The following VAPB variants were observed in gnomAD, a reference collection of about 807,000 sequenced individuals.
The protein encoded by VAPB is VAMP associated protein B and C.
A neutral mutation model predicts 25.6 loss-of-function variants in VAPB; 7 were observed. The observed-to-expected ratio is 0.27, with a 90% CI of 0.16 to 0.51. The LOEUF (loss-of-function observed/expected upper bound fraction) is 0.51. Among genes scored for constraint, VAPB ranks in the 20% least tolerant of loss-of-function variants. The probability of loss-of-function intolerance (pLI) is 0.97; values close to 1 mark genes in which losing one functional copy is unlikely to be tolerated. For missense variants in VAPB, 266 were observed against 301.3 expected (o/e 0.88, Z 0.87); for synonymous variants, 112 against 109.2 (o/e 1.03, Z -0.16).
chr20:58,391,001 T>C (rs1987782229), intron 1 of VAPB, among the ~76,000 whole-genome samples: 1 of 152,234 alleles, frequency 6.6e-6, no homozygotes, highest in Non-Finnish European at 1.5e-5. Flanking sequence ...TGGATTGTAA[T>C]TCCAGGATAG....
At chr20:58,431,754 A>G (rs1171847561) in intron 2 of VAPB, among the ~76,000 whole-genome samples, 1 of 151,778 alleles carries the variant, frequency 6.6e-6, no homozygotes, top group Admixed American at 6.6e-5. Flanking sequence ...TGTGGTAGAG[A>G]TGGGGTCTTG....
At chr20:58,402,562 CTTT>C (rs1491184515) in intron 1 of VAPB, among the ~76,000 whole-genome samples, 1 of 134,644 alleles carries the variant, frequency 7.4e-6, no homozygotes, top group Non-Finnish European at 1.6e-5. Context: ...CCCCCCCACC[CTTT>C]TTTTTTTTTT....
rs1176817214 is a variant in VAPB, at chr20:58,450,996, T to G, written c.*6761T>G. On this transcript the variant is annotated 3_prime_UTR_variant, in exon 6 of 6. Transcript: ENST00000475243. ...GAGCCATTTACAGCATGTTCTCCCA[T>G]GTTCCATTATCAGCCTGATGAAACC... is the stretch of plus-strand genomic sequence containing the variant. 6.6e-6 allele frequency: 3 copies of G among 453,736 alleles called. No individual in the cohort carries two copies. The highest frequency in any genetic ancestry group is 4.0e-5 in the African/African-American group (2 of 50,020). The allele number at this position is 453,736 out of a possible 1,614,324, so 28.1% of individuals were successfully genotyped here. A position where few individuals can be genotyped will look rare whatever the true frequency, so the allele number is the denominator to read the frequency against.
At chr20:58,420,805 G>A (rs954513528) in intron 2 of VAPB, among the ~76,000 whole-genome samples, 2 of 152,198 alleles carry the variant, frequency 1.3e-5, no homozygotes, top group African/African-American at 4.8e-5. Context: ...GGACAGCCTT[G>A]CAAGTCAGCA....
Position 58,401,413 on chromosome 20 carries a change from T to G in VAPB, c.58+11896T>G, listed in dbSNP as rs548436057. Among the ~76,000 whole-genome samples, 8 of 152,294 alleles carry G rather than the reference T, an allele frequency of 5.3e-5. No homozygotes were observed. The South Asian group carries it at 1.7e-3, about 32-fold the overall frequency. ...TAGTTTCCTGTCTTTTTTCTTTCTG[T>G]TCTTCACTTCTAGTCACTGCCCGGG... On this transcript the variant is annotated intron_variant, in intron 1 of 5. Coordinates refer to ENST00000475243, the MANE Select transcript of VAPB (RefSeq NM_004738.5).
At chr20:58,436,277 A>G (rs1989041946) in intron 3 of VAPB, among the ~76,000 whole-genome samples, 1 of 150,522 alleles carries the variant, frequency 6.6e-6, no homozygotes, top group Non-Finnish European at 1.5e-5. Context: ...GTTCTTTTCT[A>G]CTAGGCCTAA....
Position 58,448,492 on chromosome 20 carries a change from T to G in VAPB, c.*4257T>G, listed in dbSNP as rs1358662082. The G allele has an allele frequency of 2.2e-6, 1 of 454,088 alleles. No homozygotes were observed. The highest frequency in any genetic ancestry group is 1.6e-5 in the South Asian group (1 of 64,474). 28.1% of individuals were successfully genotyped at this position (454,088 alleles called of 1,614,324 possible). ...GTGACTGGGGGGTAGATGGCTCTGT[T>G]TGCATACGAAGAAATAAAGGCTCCA... On this transcript the variant is annotated 3_prime_UTR_variant, in exon 6 of 6. Coordinates refer to ENST00000475243, the MANE Select transcript of VAPB (RefSeq NM_004738.5).
intron 1 of VAPB, among the ~76,000 whole-genome samples, chr20:58,397,458 G>A (rs1475321798): frequency 6.6e-6 from 1 of 151,800 alleles, no homozygotes; most frequent in African/African-American, 2.4e-5. Context: ...GACGGAGGTT[G>A]CGGTGAGCCG....
intron 1 of VAPB, among the ~76,000 whole-genome samples, chr20:58,391,203 A>G (rs1177976156): frequency 1.3e-5 from 2 of 152,162 alleles, no homozygotes; most frequent in African/African-American, 4.8e-5. Context: ...ACAAACATTT[A>G]CTGAGTACCT....
intron 2 of VAPB, among the ~76,000 whole-genome samples, chr20:58,426,526 G>A (rs1224119388): frequency 1.3e-5 from 2 of 152,280 alleles, no homozygotes; most frequent in Non-Finnish European, 2.9e-5. Flanking sequence ...AGGACATAGG[G>A]GCATGATGTG....
intron 5 of VAPB, among the ~76,000 whole-genome samples, chr20:58,443,099 G>A (rs1356098245): frequency 2.0e-5 from 3 of 152,160 alleles, no homozygotes; most frequent in Non-Finnish European, 4.4e-5. Flanking sequence ...GTGCAAGGCA[G>A]TTGTGGCAGT....
chr20:58,412,030 A>C (rs898043953), intron 1 of VAPB, among the ~76,000 whole-genome samples: 1 of 152,210 alleles, frequency 6.6e-6, no homozygotes, highest in Non-Finnish European at 1.5e-5. Flanking sequence ...TTTGGTTGAC[A>C]GTATTTTATT....
chr20:58,427,370 G>A (rs35933296), intron 2 of VAPB, among the ~76,000 whole-genome samples: 48,919 of 137,424 alleles, frequency 0.36, 8,444 homozygotes, highest in Middle Eastern at 0.39. Context: ...TGCAGGTGAA[G>A]GTGGTCCGTG....
At chr20:58,403,742 A>G (rs556786416) in intron 1 of VAPB, among the ~76,000 whole-genome samples, 17 of 152,272 alleles carry the variant, frequency 1.1e-4, no homozygotes, top group Middle Eastern at 3.4e-3. Flanking sequence ...TCTCCAAGCA[A>G]ATCTTTTGAT....
intron 1 of VAPB, among the ~76,000 whole-genome samples, chr20:58,414,941 C>A (rs1309452257): frequency 6.6e-6 from 1 of 152,276 alleles, no homozygotes; most frequent in Non-Finnish European, 1.5e-5. Context: ...CACCACCGAG[C>A]ACTGAGTGAA....
intron 1 of VAPB, among the ~76,000 whole-genome samples, chr20:58,407,521 A>C (rs1353306868): frequency 2.0e-5 from 3 of 152,202 alleles, no homozygotes; most frequent in Non-Finnish European, 4.4e-5. Context: ...TAAATACCCC[A>C]GTATGGAGTA....
chr20:58,401,226 G>T (rs1236746948), intron 1 of VAPB, among the ~76,000 whole-genome samples: 3 of 151,864 alleles, frequency 2.0e-5, no homozygotes, highest in Non-Finnish European at 4.4e-5. Flanking sequence ...TACATACCTA[G>T]CACTCACTGA....
intron 2 of VAPB, among the ~76,000 whole-genome samples, chr20:58,420,049 G>A (rs188113039): frequency 1.8e-3 from 272 of 151,966 alleles, no homozygotes; most frequent in African/African-American, 6.1e-3. Context: ...GCAGTGGCGC[G>A]ATCTCTGCTC....
At chr20:58,403,083 C>T (rs369805968) in intron 1 of VAPB, among the ~76,000 whole-genome samples, 4 of 152,148 alleles carry the variant, frequency 2.6e-5, no homozygotes, top group Admixed American at 6.5e-5. Context: ...TGAAGCCTGT[C>T]GGCAGGGCCC....
Sources: allele counts gnomAD v4.1 joint callset (sites outside exome capture counted in the v4.1 genomes callset), GRCh38; gene constraint gnomAD v4.1.1; transcripts MANE v1.5; gene names NCBI Gene and HGNC (gene_info 2026-07-23, HGNC 2026-07-21).